Variants in WDPCP observed in about 807,000 individuals in gnomAD.
WDPCP encodes the protein WD repeat containing planar cell polarity effector, also known as WD repeat-containing and planar cell polarity effector protein fritz homolog.
WDPCP carries 71 observed loss-of-function variants against 93.1 expected under a neutral mutation model. The observed-to-expected ratio is 0.76, with a 90% CI of 0.63 to 0.93. The LOEUF (loss-of-function observed/expected upper bound fraction) is 0.93. WDPCP is among the 40% of genes least tolerant of loss of function. WDPCP has a pLI of 0.00. For synonymous variants in WDPCP, 315 were observed against 315.0 expected (o/e 1.00, Z 0.00); for missense variants, 844 against 887.4 (o/e 0.95, Z 0.62).
chr2:63,136,107 G>T (rs72813408), intron 17 of WDPCP, among the ~76,000 whole-genome samples: 23,759 of 152,152 alleles, frequency 0.16, 2,485 homozygotes, highest in Admixed American at 0.22. Context: ...TGTAGCCATT[G>T]TAGTACCAAA....
intron 6 of WDPCP, among the ~76,000 whole-genome samples, chr2:63,472,003 T>A (rs1193158303): frequency 6.6e-6 from 1 of 152,136 alleles, no homozygotes; most frequent in Non-Finnish European, 1.5e-5. Context: ...AGGTTACATA[T>A]GTATACATGT....
chr2:63,516,910 T>C (rs1193676833), intron 1 of WDPCP, among the ~76,000 whole-genome samples: 3 of 151,996 alleles, frequency 2.0e-5, no homozygotes, highest in Non-Finnish European at 4.4e-5. Context: ...CTCTTTTATA[T>C]AGGGGGATGA....
chr2:63,214,513 A>G (rs746574117), intron 14 of WDPCP, among the ~76,000 whole-genome samples: 3 of 152,196 alleles, frequency 2.0e-5, no homozygotes, highest in African/African-American at 4.8e-5. Flanking sequence ...CGCAGCCAGT[A>G]TCATACTGAA....
At chr2:63,353,249 C>A (rs1277735897) in intron 12 of WDPCP, among the ~76,000 whole-genome samples, 2 of 152,122 alleles carry the variant, frequency 1.3e-5, no homozygotes. Context: ...CTAAGGCACA[C>A]GTAGAGACCA....
In WDPCP at chr2:63,431,648, G is replaced by A. The variant is rs540358156; in HGVS notation, c.825+2097C>T. The stretch of plus-strand genomic sequence containing the variant: ...TATTCTAAAAAAAATTCTATACTTC[G>A]TATTTAAAGATTATGTCTTCACACA... On this transcript the variant is annotated intron_variant, in intron 9 of 17. Coordinates refer to ENST00000272321, the MANE Select transcript of WDPCP (RefSeq NM_015910.7). Among the ~76,000 whole-genome samples the A allele has an allele frequency of 1.1e-3, 162 of 150,794 alleles. 1 individual carries two copies. The highest frequency in any genetic ancestry group is 1.9e-3 in the Non-Finnish European group (131 of 67,748).
chr2:63,350,380 G>A (rs980976760), intron 12 of WDPCP, among the ~76,000 whole-genome samples: 8 of 151,140 alleles, frequency 5.3e-5, no homozygotes, highest in Admixed American at 5.3e-4. Context: ...CATGGCACAT[G>A]TATACCTATG....
At chr2:63,339,709 C>G (rs183588988) in intron 12 of WDPCP, among the ~76,000 whole-genome samples, 1 of 152,220 alleles carries the variant, frequency 6.6e-6, no homozygotes, top group Admixed American at 6.5e-5. Context: ...ATTGCTCTCA[C>G]CAGGAGTTTC....
At chr2:63,573,055 C>T (rs1450544951) in intron 1 of WDPCP, among the ~76,000 whole-genome samples, 2 of 151,954 alleles carry the variant, frequency 1.3e-5, no homozygotes, top group African/African-American at 4.8e-5. Context: ...GAGAGCAGCC[C>T]AGGCAAAATA....
At chr2:63,526,945 C>T (rs1348283906) in intron 1 of WDPCP, among the ~76,000 whole-genome samples, 9 of 152,052 alleles carry the variant, frequency 5.9e-5, no homozygotes, top group Non-Finnish European at 4.4e-5. Flanking sequence ...AATAAATATT[C>T]GATGAACGGA....
chr2:63,420,140 T>C (rs1177127507), intron 9 of WDPCP, among the ~76,000 whole-genome samples: 1 of 152,102 alleles, frequency 6.6e-6, no homozygotes, highest in African/African-American at 2.4e-5. Flanking sequence ...TTTACCATGA[T>C]GCATTCAAAA....
At chr2:63,716,680 CAAG>C (rs1428088742) in intron 2 of WDPCP, among the ~76,000 whole-genome samples, 7 of 152,022 alleles carry the variant, frequency 4.6e-5, no homozygotes, top group Non-Finnish European at 1.0e-4. Flanking sequence ...GGACAGGGAG[CAAG>C]AAGGAGATGG....
chr2:63,689,877 A>G (rs930339686), intron 2 of WDPCP, among the ~76,000 whole-genome samples: 1 of 152,202 alleles, frequency 6.6e-6, no homozygotes, highest in African/African-American at 2.4e-5. Flanking sequence ...ACTTGACGTT[A>G]TTAACCCAGT....
At chr2:63,548,808 A>G (rs1705346695) in intron 1 of WDPCP, among the ~76,000 whole-genome samples, 2 of 152,102 alleles carry the variant, frequency 1.3e-5, no homozygotes, top group African/African-American at 4.8e-5. Context: ...CACATTTTCT[A>G]ACTAATTCAG....
At position 63,259,391 on chromosome 2, in the gene WDPCP, G is replaced by C. The variant is rs1299815762; in HGVS notation, c.1831C>G (p.Leu611Val). 1 of 1,611,476 alleles carries C rather than the reference G, an allele frequency of 6.2e-7. No homozygotes were observed. Among genetic ancestry groups the C allele is most frequent in the Non-Finnish European group, 8.5e-7 (1 of 1,179,410 alleles). The change falls in exon 14 of 18, where the codon CTA (leucine) becomes GTA (valine). Residue 611 changes from leucine (L) to valine (V), a missense_variant. Leu to Val is a conservative substitution (Grantham distance 32). Coordinates refer to ENST00000272321, the MANE Select transcript of WDPCP (RefSeq NM_015910.7). ...GCTAGTGCCAATTCACCTTTATCTA[G>C]TGCAAGGTAATGAATATCCTGAGGA... Reference protein sequence around the residue: ...DLFMDIHYLALDKGELALAEV... With the variant: ...DLFMDIHYLAVDKGELALAEV...
At chr2:63,551,076 G>A (rs956596392) in intron 1 of WDPCP, among the ~76,000 whole-genome samples, 4 of 152,028 alleles carry the variant, frequency 2.6e-5, no homozygotes, top group Admixed American at 2.6e-4. Context: ...CCTTATAAAT[G>A]TCTTTCAAAA....
chr2:63,276,015 T>C (rs996035109), intron 13 of WDPCP, among the ~76,000 whole-genome samples: 1 of 152,172 alleles, frequency 6.6e-6, no homozygotes, highest in African/African-American at 2.4e-5. Flanking sequence ...TGTGCGGGTA[T>C]CCATGGCTGA....
intron 13 of WDPCP, among the ~76,000 whole-genome samples, chr2:63,278,528 A>G (rs1683256494): frequency 6.6e-6 from 1 of 152,192 alleles, no homozygotes; most frequent in Admixed American, 6.5e-5. Context: ...GAGATTAACC[A>G]AGCAAAGGAG....
At chr2:63,211,909 A>G (rs1676849357) in intron 14 of WDPCP, among the ~76,000 whole-genome samples, 1 of 152,204 alleles carries the variant, frequency 6.6e-6, no homozygotes, top group South Asian at 2.1e-4. Context: ...CGAGAAGAGA[A>G]GTTCAGAGAA....
At chr2:63,626,515 G>T (rs770637351) in intron 3 of WDPCP, among the ~76,000 whole-genome samples, 19 of 151,742 alleles carry the variant, frequency 1.3e-4, no homozygotes, top group Admixed American at 4.6e-4. Context: ...CATTAAAAAA[G>T]GATATGAACA....
Sources: allele counts gnomAD v4.1 joint callset (sites outside exome capture counted in the v4.1 genomes callset), GRCh38; gene constraint gnomAD v4.1.1; transcripts MANE v1.5; gene names NCBI Gene and HGNC (gene_info 2026-07-23, HGNC 2026-07-21).